The following GLI3 variants were observed in gnomAD, a reference collection of about 807,000 sequenced individuals.
The protein encoded by GLI3 is GLI family zinc finger 3.
In GLI3, 20 loss-of-function variants were observed where a neutral mutation model predicts 100.8. The observed-to-expected ratio is 0.20, with a 90% CI of 0.14 to 0.29. The LOEUF (loss-of-function observed/expected upper bound fraction) is 0.29. Among genes scored for constraint, GLI3 ranks in the 10% least tolerant of loss-of-function variants. The probability of loss-of-function intolerance (pLI) is 1.00; values close to 1 mark genes in which losing one functional copy is unlikely to be tolerated. For synonymous variants in GLI3, 938 were observed against 860.5 expected (o/e 1.09, Z -1.58); for missense variants, 2,040 against 2,128.5 (o/e 0.96, Z 0.82).
chr7:42,031,067 T>A (rs1789280463), intron 7 of GLI3, among the ~76,000 whole-genome samples: 1 of 152,188 alleles, frequency 6.6e-6, no homozygotes, highest in African/African-American at 2.4e-5. Flanking sequence ...GAGCAGGACA[T>A]AATCTACAGT....
intron 2 of GLI3, chr7:42,149,940 T>G (rs1786815856): frequency 6.6e-6 from 1 of 152,220 alleles, no homozygotes; most frequent in African/African-American, 2.4e-5. Flanking sequence ...GACTCAGGAC[T>G]TGAACTACCT....
At chr7:42,127,012 A>G (rs966960410) in intron 3 of GLI3, among the ~76,000 whole-genome samples, 14 of 152,126 alleles carry the variant, frequency 9.2e-5, no homozygotes, top group African/African-American at 3.4e-4. Flanking sequence ...CCCACACTCG[A>G]TATGGCCTCC....
intron 2 of GLI3, among the ~76,000 whole-genome samples, chr7:42,205,178 A>T (rs898116475): frequency 2.0e-5 from 3 of 152,212 alleles, no homozygotes; most frequent in Non-Finnish European, 4.4e-5. Flanking sequence ...TTTTATAAGA[A>T]TCCACCTCAT....
At chr7:42,028,927 G>A (rs964373226) in intron 7 of GLI3, among the ~76,000 whole-genome samples, 1 of 152,264 alleles carries the variant, frequency 6.6e-6, no homozygotes, top group South Asian at 2.1e-4. Flanking sequence ...GGTTCTGAAA[G>A]CTCTTCACAT....
intron 3 of GLI3, among the ~76,000 whole-genome samples, chr7:42,111,465 C>A (rs150139953): frequency 1.2e-3 from 175 of 152,154 alleles, no homozygotes; most frequent in African/African-American, 4.0e-3. Flanking sequence ...AACAAGGCAG[C>A]AGTATGAAGG....
chr7:41,978,529 A>T (rs1213693272), intron 11 of GLI3, 70 bp downstream of exon 11: 2 of 1,450,180 alleles, frequency 1.4e-6, no homozygotes, highest in Non-Finnish European at 1.9e-6. Flanking sequence ...AGCTGGTGTC[A>T]TCAGTTTGCA....
intron 9 of GLI3, among the ~76,000 whole-genome samples, chr7:42,024,868 A>G (rs1487846046): frequency 6.6e-6 from 1 of 152,198 alleles, no homozygotes; most frequent in Admixed American, 6.5e-5. Context: ...TAGATCCGCC[A>G]CAGCTCAGGC....
At chr7:42,067,480 T>C (rs543589495) in intron 4 of GLI3, among the ~76,000 whole-genome samples, 2 of 152,228 alleles carry the variant, frequency 1.3e-5, no homozygotes, top group Non-Finnish European at 2.9e-5. Flanking sequence ...CCCCATCAGA[T>C]GATAGAGATA....
At chr7:42,157,741 T>A (rs1787038555) in intron 2 of GLI3, among the ~76,000 whole-genome samples, 1 of 152,172 alleles carries the variant, frequency 6.6e-6, no homozygotes, top group Non-Finnish European at 1.5e-5. Flanking sequence ...GTATGACCTT[T>A]ACTATAATTA....
chr7:41,968,756 G>GAA (rs748427817), intron 13 of GLI3, among the ~76,000 whole-genome samples: 1 of 96,788 alleles, frequency 1.0e-5, no homozygotes, highest in African/African-American at 3.9e-5. Context: ...AAGAAAGAAA[G>GAA]AAAGAAGGAA....
At chr7:41,975,638 A>G (rs1055782756) in intron 12 of GLI3, among the ~76,000 whole-genome samples, 3 of 152,210 alleles carry the variant, frequency 2.0e-5, no homozygotes, top group Non-Finnish European at 2.9e-5. Context: ...CTCTCACACA[A>G]CATTGCACTT....
intron 2 of GLI3, among the ~76,000 whole-genome samples, chr7:42,184,725 G>A (rs1318021965): frequency 6.6e-6 from 1 of 152,126 alleles, no homozygotes. Context: ...GCTTTGAGCA[G>A]AGGGACACTC....
chr7:41,978,517 T>G, intron 11 of GLI3, 82 bp downstream of exon 11: 5 of 1,342,796 alleles, frequency 3.7e-6, no homozygotes, highest in African/African-American at 1.4e-5. Flanking sequence ...ACGCTTCCCC[T>G]GAGCTGGTGT....
intron 2 of GLI3, among the ~76,000 whole-genome samples, chr7:42,213,710 G>A (rs946787144): frequency 2.0e-5 from 3 of 152,176 alleles, no homozygotes; most frequent in African/African-American, 7.2e-5. Flanking sequence ...TCGCAGAATG[G>A]GCCCGTAAGT....
At chr7:42,202,798 AC>A (rs1233747853) in intron 2 of GLI3, among the ~76,000 whole-genome samples, 1 of 152,196 alleles carries the variant, frequency 6.6e-6, no homozygotes, top group Non-Finnish European at 1.5e-5. Flanking sequence ...CGGGGGTCCC[AC>A]TGACGTCATC....
chr7:42,023,631 AG>A, intron 9 of GLI3, 23 bp from the exon 10 acceptor site: 1 of 1,258,808 alleles, frequency 7.9e-7, no homozygotes, highest in Non-Finnish European at 1.2e-6. Context: ...GGTGGGGGGC[AG>A]GGAACAGAGA....
At chr7:42,016,556 T>G (rs895159943) in intron 10 of GLI3, among the ~76,000 whole-genome samples, 1 of 152,200 alleles carries the variant, frequency 6.6e-6, no homozygotes, top group Non-Finnish European at 1.5e-5. Flanking sequence ...TAAAAGTCAC[T>G]ATTTTCCTTG....
intron 2 of GLI3, among the ~76,000 whole-genome samples, chr7:42,196,715 A>G (rs1787934508): frequency 6.6e-6 from 1 of 152,228 alleles, no homozygotes; most frequent in Non-Finnish European, 1.5e-5. Flanking sequence ...TACACTTGAC[A>G]AGAGATCATC....
chr7:42,113,389 G>A, intron 3 of GLI3: 1 of 697,186 alleles, frequency 1.4e-6, no homozygotes, highest in Admixed American at 1.8e-5. Flanking sequence ...GGCTGAGGGG[G>A]ATGCTGAAGG....
Sources: gnomAD v4.1 joint callset for allele counts (sites outside exome capture counted in the v4.1 genomes callset) on GRCh38, gnomAD v4.1.1 for gene constraint, MANE v1.5 for transcripts, NCBI Gene and HGNC (gene_info 2026-07-23, HGNC 2026-07-21) for gene names.